FAM227B: variants seen among roughly 807,000 people sequenced by gnomAD.
FAM227B encodes the protein family with sequence similarity 227 member B.
Under a neutral mutation model 73.8 loss-of-function variants are expected in FAM227B, and 88 were observed. The observed-to-expected ratio is 1.19, with a 90% CI of 1.00 to 1.42. The LOEUF (loss-of-function observed/expected upper bound fraction) is 1.42. FAM227B is among the 40% of genes most tolerant of loss of function. FAM227B has a pLI of 0.00. For synonymous variants in FAM227B, 210 were observed against 190.5 expected (o/e 1.10, Z -0.84); for missense variants, 632 against 590.9 (o/e 1.07, Z -0.72).
chr15:49,555,857 T>G (rs938873665), intron 9 of FAM227B, among the ~76,000 whole-genome samples: 1 of 152,240 alleles, frequency 6.6e-6, no homozygotes, highest in Non-Finnish European at 1.5e-5. Context: ...TGCAACTGTA[T>G]TCTGAAATTC....
chr15:49,570,258 A>T (rs138895804), intron 8 of FAM227B, among the ~76,000 whole-genome samples: 1 of 151,984 alleles, frequency 6.6e-6, no homozygotes, highest in East Asian at 1.9e-4. Flanking sequence ...ATATACAAGC[A>T]TTTCCTTTTC....
chr15:49,505,603 T>C (rs2058521418), intron 11 of FAM227B, among the ~76,000 whole-genome samples: 2 of 152,052 alleles, frequency 1.3e-5, no homozygotes, highest in African/African-American at 4.8e-5. Context: ...ATTTTGATAA[T>C]TTAAGAATGC....
intron 12 of FAM227B, among the ~76,000 whole-genome samples, chr15:49,369,886 T>C (rs1567169288): frequency 6.6e-6 from 1 of 152,200 alleles, no homozygotes. Context: ...GAAATACTTA[T>C]AAATAGTTTG....
chr15:49,548,018 T>C (rs2072202442), intron 9 of FAM227B, among the ~76,000 whole-genome samples: 1 of 152,218 alleles, frequency 6.6e-6, no homozygotes, highest in Non-Finnish European at 1.5e-5. Flanking sequence ...CTTCAGAATA[T>C]ACATTCTCTT....
At chr15:49,328,991 T>A in intron 15 of FAM227B, 1 of 1,038,184 alleles carries the variant, frequency 9.6e-7, no homozygotes, top group Non-Finnish European at 1.2e-6. Flanking sequence ...GATAATTCAG[T>A]TTGTTCATAG....
intron 11 of FAM227B, among the ~76,000 whole-genome samples, chr15:49,504,292 G>A (rs2058399150): frequency 8.5e-6 from 1 of 117,362 alleles, no homozygotes; most frequent in Non-Finnish European, 1.7e-5. Flanking sequence ...GGGGGGAGGG[G>A]GGAGGGATAG....
chr15:49,424,408 A>G, intron 11 of FAM227B: 2 of 1,613,768 alleles, frequency 1.2e-6, no homozygotes, highest in Non-Finnish European at 1.7e-6. Flanking sequence ...ACATGACTCC[A>G]GAGCAAATGG....
chr15:49,371,409 A>G lies in FAM227B; in HGVS notation c.1013-10T>C. 1 of 1,457,540 alleles carries G rather than the reference A, an allele frequency of 6.9e-7. No homozygotes were observed. The highest frequency in any genetic ancestry group is 2.3e-5 in the East Asian group (1 of 42,800). 90.3% of individuals were successfully genotyped at this position (1,457,540 alleles called of 1,614,324 possible). A position where few individuals can be genotyped will look rare whatever the true frequency, so the allele number is the denominator to read the frequency against. ...ATATTGAAGTCGATACCTAAAACAG[A>G]AAATAAAATACTTTTTAAAATTCTG... On this transcript the variant is annotated splice_polypyrimidine_tract_variant and intron_variant, in intron 11 of 15. Coordinates refer to ENST00000299338, the MANE Select transcript of FAM227B (RefSeq NM_152647.3).
intron 11 of FAM227B, among the ~76,000 whole-genome samples, chr15:49,461,723 A>G (rs2053816685): frequency 6.6e-6 from 1 of 152,244 alleles, no homozygotes; most frequent in Non-Finnish European, 1.5e-5. Flanking sequence ...AAAAATTTTT[A>G]TACTCCATTA....
chr15:49,412,544 G>A (rs12591300), intron 11 of FAM227B, among the ~76,000 whole-genome samples: 38,918 of 151,572 alleles, frequency 0.26, 6,038 homozygotes, highest in Non-Finnish European at 0.35. Flanking sequence ...ATTTGAACAC[G>A]AAGTACATTG....
At chr15:49,600,460 C>T (rs1405018473) in intron 3 of FAM227B, among the ~76,000 whole-genome samples, 3 of 151,444 alleles carry the variant, frequency 2.0e-5, no homozygotes, top group African/African-American at 4.9e-5. Flanking sequence ...TTGAGACCCA[C>T]CTGACCAATA....
At chr15:49,451,550 T>A (rs1455511762) in intron 11 of FAM227B, among the ~76,000 whole-genome samples, 1 of 152,090 alleles carries the variant, frequency 6.6e-6, no homozygotes, top group African/African-American at 2.4e-5. Flanking sequence ...TTAGTATTTA[T>A]ATTTTTTTCT....
chr15:49,553,384 G>T (rs1438374554), intron 9 of FAM227B, among the ~76,000 whole-genome samples: 2 of 152,206 alleles, frequency 1.3e-5, no homozygotes, highest in Non-Finnish European at 2.9e-5. Context: ...CGTGAAGCCA[G>T]AACAATGCTG....
chr15:49,512,825 C>A (rs938685674), intron 10 of FAM227B, among the ~76,000 whole-genome samples: 4 of 152,136 alleles, frequency 2.6e-5, no homozygotes, highest in Non-Finnish European at 5.9e-5. Context: ...TTGTTCAACT[C>A]CCACTTATGA....
intron 15 of FAM227B, chr15:49,329,720 A>T: frequency 1.0e-6 from 1 of 972,536 alleles, no homozygotes; most frequent in Non-Finnish European, 1.2e-6. Flanking sequence ...ATTTAAATTT[A>T]TAATCCTTTA....
At chr15:49,374,694 C>T (rs1432111195) in intron 11 of FAM227B, among the ~76,000 whole-genome samples, 1 of 152,176 alleles carries the variant, frequency 6.6e-6, no homozygotes, top group Non-Finnish European at 1.5e-5. Flanking sequence ...AGGTGTTCAC[C>T]ACCATGGCCA....
At chr15:49,578,865 A>G (rs552404902) in intron 5 of FAM227B, among the ~76,000 whole-genome samples, 11 of 152,332 alleles carry the variant, frequency 7.2e-5, no homozygotes, top group African/African-American at 2.6e-4. Flanking sequence ...GAGTGATGAC[A>G]CAACCTTTGT....
chr15:49,369,979 TAAG>T (rs570328451), intron 12 of FAM227B, among the ~76,000 whole-genome samples: 31 of 152,288 alleles, frequency 2.0e-4, no homozygotes, highest in South Asian at 6.2e-4. Context: ...GGAGTCTTTA[TAAG>T]AAGAAGAAGA....
intron 10 of FAM227B, among the ~76,000 whole-genome samples, chr15:49,517,664 TA>T (rs2059469383): frequency 6.6e-6 from 1 of 152,270 alleles, no homozygotes; most frequent in East Asian, 1.9e-4. Context: ...GTTTTCAACT[TA>T]ACTTTTTGTA....
Sources: gnomAD v4.1 joint callset for allele counts (sites outside exome capture counted in the v4.1 genomes callset) on GRCh38, gnomAD v4.1.1 for gene constraint, MANE v1.5 for transcripts, NCBI Gene and HGNC (gene_info 2026-07-23, HGNC 2026-07-21) for gene names.